The following ERC1 variants were observed in gnomAD, a reference collection of about 807,000 sequenced individuals.
The protein encoded by ERC1 is RAB6 interacting protein 2.
ERC1 carries 56 observed loss-of-function variants against 132.0 expected under a neutral mutation model. That is an observed-to-expected ratio of 0.42 (90% CI 0.34 to 0.53). ERC1 has a LOEUF of 0.53. Among genes scored for constraint, ERC1 ranks in the 20% least tolerant of loss-of-function variants. The pLI is 0.03. For synonymous variants in ERC1, 478 were observed against 476.1 expected, an observed-to-expected ratio of 1.00 and a Z score of -0.05; for missense variants, 1,202 against 1,349.9, an observed-to-expected ratio of 0.89 and a Z score of 1.72.
intron 2 of ERC1, among the ~76,000 whole-genome samples, chr12:1,069,192 A>C (rs1376884900): frequency 2.6e-5 from 4 of 152,176 alleles, no homozygotes; most frequent in African/African-American, 9.7e-5. Flanking sequence ...TTTTTATGAA[A>C]TAGCAGTTTG....
chr12:1,400,987 G>C (rs12318647), intron 16 of ERC1, among the ~76,000 whole-genome samples: 2,316 of 122,654 alleles, frequency 0.019, 73 homozygotes, highest in African/African-American at 0.065. Context: ...CCAGGCTGGA[G>C]TGCAGTGGCG....
intron 8 of ERC1, among the ~76,000 whole-genome samples, chr12:1,150,283 T>G (rs1166801947): frequency 6.6e-6 from 1 of 152,126 alleles, no homozygotes; most frequent in East Asian, 1.9e-4. Flanking sequence ...CCCCCTACCC[T>G]CTCTCCCGCA....
intron 12 of ERC1, among the ~76,000 whole-genome samples, chr12:1,197,684 G>C (rs1198285396): frequency 6.6e-6 from 1 of 152,174 alleles, no homozygotes; most frequent in African/African-American, 2.4e-5. Context: ...CAATACAGAA[G>C]CTATTGTCAT....
intron 15 of ERC1, among the ~76,000 whole-genome samples, chr12:1,317,768 A>C (rs573731769): frequency 1.3e-4 from 20 of 152,266 alleles, no homozygotes; most frequent in African/African-American, 4.6e-4. Context: ...TGATCTTTGG[A>C]TCTCGTCTAA....
chr12:1,461,316 G>A (rs1039331494), intron 18 of ERC1, among the ~76,000 whole-genome samples: 2 of 152,150 alleles, frequency 1.3e-5, no homozygotes, highest in African/African-American at 2.4e-5. Flanking sequence ...TGCAGCTTTC[G>A]TTTTTAAAAC....
chr12:1,082,729 A>G (rs1479275957), intron 2 of ERC1, among the ~76,000 whole-genome samples: 2 of 150,366 alleles, frequency 1.3e-5, no homozygotes, highest in Non-Finnish European at 3.0e-5. Context: ...ACCTCAGCTG[A>G]TTTGCCCACC....
chr12:1,247,148 GAGCCCAGGAGTTTGAGGTTGCAGTA>G (rs2076205075), intron 13 of ERC1, among the ~76,000 whole-genome samples: 1 of 136,826 alleles, frequency 7.3e-6, no homozygotes, highest in Non-Finnish European at 1.6e-5. Flanking sequence ...AGGTTGCAGT[GAGCCCAGGAGTTTGAGGTTGCAGTA>G]AGCCCTGTTT....
At chr12:1,009,584 T>C (rs991353645) in intron 1 of ERC1, among the ~76,000 whole-genome samples, 1 of 149,578 alleles carries the variant, frequency 6.7e-6, no homozygotes, top group Non-Finnish European at 1.5e-5. Flanking sequence ...AATGAAATAT[T>C]GTGACAAGTG....
At chr12:1,438,895 T>C (rs1456322093) in intron 17 of ERC1, among the ~76,000 whole-genome samples, 1 of 151,732 alleles carries the variant, frequency 6.6e-6, no homozygotes, top group African/African-American at 2.4e-5. Context: ...TGAGCTGTGA[T>C]TGCATCACTG....
intron 15 of ERC1, among the ~76,000 whole-genome samples, chr12:1,319,131 A>G (rs2081956007): frequency 6.6e-6 from 1 of 152,086 alleles, no homozygotes; most frequent in South Asian, 2.1e-4. Context: ...GCTTTCTGCT[A>G]TTTTATGTTC....
chr12:1,253,535 G>A (rs1239800969), intron 13 of ERC1, among the ~76,000 whole-genome samples: 2 of 152,126 alleles, frequency 1.3e-5, no homozygotes, highest in African/African-American at 4.8e-5. Flanking sequence ...AATTCGCCAG[G>A]CGTGGTGGTG....
chr12:992,423 A>C (rs577943737), intron 1 of ERC1, among the ~76,000 whole-genome samples: 1 of 152,204 alleles, frequency 6.6e-6, no homozygotes, highest in African/African-American at 2.4e-5. Context: ...CTTGCTCAGT[A>C]CACCTTGACT....
At chr12:1,400,179 A>G (rs970174770) in intron 16 of ERC1, among the ~76,000 whole-genome samples, 4 of 152,064 alleles carry the variant, frequency 2.6e-5, no homozygotes, top group Non-Finnish European at 5.9e-5. Context: ...GCATTTCCCT[A>G]TTGGTGTTGC....
At chr12:1,289,782 G>A (rs1172729533) in intron 14 of ERC1, 70 bp from the exon 15 acceptor site, 20 of 1,281,276 alleles carry the variant, frequency 1.6e-5, no homozygotes, top group East Asian at 2.3e-5. Context: ...CAGGAGTTGC[G>A]TGTTACCCAG....
chr12:1,440,426 T>A (rs985174857), intron 17 of ERC1, among the ~76,000 whole-genome samples: 1 of 150,972 alleles, frequency 6.6e-6, no homozygotes, highest in African/African-American at 2.4e-5. Flanking sequence ...CAGGATGGTC[T>A]CGATCTCCTG....
chr12:1,160,015 C>T (rs1014271771), intron 8 of ERC1, among the ~76,000 whole-genome samples: 2 of 152,154 alleles, frequency 1.3e-5, no homozygotes, highest in Admixed American at 6.5e-5. Context: ...TTTCATTCAG[C>T]CAATTACTCT....
intron 8 of ERC1, among the ~76,000 whole-genome samples, chr12:1,180,338 A>G (rs1452983949): frequency 6.6e-6 from 1 of 151,780 alleles, no homozygotes; most frequent in Non-Finnish European, 1.5e-5. Context: ...TGTTTTGCCT[A>G]CAAGTTCCTA....
At chr12:1,011,463 C>T (rs1320632390) in intron 1 of ERC1, among the ~76,000 whole-genome samples, 1 of 152,172 alleles carries the variant, frequency 6.6e-6, no homozygotes, top group Non-Finnish European at 1.5e-5. Context: ...ACCTTGGCCT[C>T]CCAAAGTGCC....
At chr12:1,005,693 A>C (rs1055318565) in intron 1 of ERC1, among the ~76,000 whole-genome samples, 1 of 152,070 alleles carries the variant, frequency 6.6e-6, no homozygotes, top group Non-Finnish European at 1.5e-5. Context: ...AGCAGTTCTT[A>C]TCTGGTTTCC....
Sources: gnomAD v4.1 joint callset for allele counts (sites outside exome capture counted in the v4.1 genomes callset) on GRCh38, gnomAD v4.1.1 for gene constraint, MANE v1.5 for transcripts, NCBI Gene and HGNC (gene_info 2026-07-23, HGNC 2026-07-21) for gene names.